ZNF354A: variants seen among roughly 807,000 people sequenced by gnomAD.
ZNF354A encodes zinc finger protein 354A.
ZNF354A carries 25 observed loss-of-function variants against 53.3 expected under a neutral mutation model. The ratio of observed to expected loss-of-function variants is 0.47; its 90% CI spans 0.34 to 0.66. ZNF354A has a LOEUF of 0.66. ZNF354A is among the 30% of genes least tolerant of loss of function. ZNF354A has a pLI of 0.01. For synonymous variants in ZNF354A, 228 were observed against 249.0 expected (o/e 0.92, Z 0.79); for missense variants, 586 against 716.8 (o/e 0.82, Z 2.08).
chr5:178,725,254 C>T, intron 4 of ZNF354A, 122 bp downstream of exon 4: 1 of 938,522 alleles, frequency 1.1e-6, no homozygotes, highest in Non-Finnish European at 1.7e-6. Context: ...TGGGCTTCCG[C>T]TTCCCCATCA....
Position 178,712,293 on chromosome 5 carries a change from T to G in ZNF354A, c.1585A>C (p.Ile529Leu), listed in dbSNP as rs1313423398. 15 of 1,614,022 alleles carry G rather than the reference T, an allele frequency of 9.3e-6. No homozygotes were observed. Among genetic ancestry groups the G allele is most frequent in the African/African-American group, 2.7e-5 (2 of 74,940 alleles). Reference sequence around the variant, plus strand: ...AGAGCTGAACTTTGGCCAAAAGATATCCCACATTCCTCACATCGATATGGT... The same window carrying G: ...AGAGCTGAACTTTGGCCAAAAGATAGCCCACATTCCTCACATCGATATGGT... ...EKPYRCEECG[I>L]SFGQSSALIQ... The change falls in exon 5 of 5, where the codon ATA (isoleucine) becomes CTA (leucine). Residue 529 changes from isoleucine to leucine, a missense_variant. Physicochemically the swap from Ile to Leu is conservative, Grantham distance 5. Coordinates refer to ENST00000335815, the MANE Select transcript of ZNF354A (RefSeq NM_005649.3).
chr5:178,721,639 C>T (rs894292992), intron 4 of ZNF354A, among the ~76,000 whole-genome samples: 3 of 152,068 alleles, frequency 2.0e-5, no homozygotes, highest in Admixed American at 6.5e-5. Context: ...GCTGTGTGGA[C>T]GTACCACAGT....
At chr5:178,717,218 CATTT>C (rs1484388497) in intron 4 of ZNF354A, among the ~76,000 whole-genome samples, 4 of 151,928 alleles carry the variant, frequency 2.6e-5, no homozygotes, top group African/African-American at 4.8e-5. Flanking sequence ...ATTATGTGTT[CATTT>C]GAGTTGGCTG....
rs180995061 is a variant in ZNF354A, at chr5:178,715,066, T to C, written c.257-1445A>G. Among the ~76,000 whole-genome samples the C allele has an allele frequency of 3.3e-3, 507 of 152,304 alleles. 1 individual carries two copies. The highest frequency in any genetic ancestry group is 5.2e-3 in the Admixed American group (79 of 15,306). ...ATGGATATATAAGATAAAGCATGGT[T>C]AACATGGAAAAGTAAAGAACAGAAG... On this transcript the variant is annotated intron_variant, in intron 4 of 4. Coordinates refer to ENST00000335815, the MANE Select transcript of ZNF354A (RefSeq NM_005649.3).
At chr5:178,720,377 C>G (rs572465108) in intron 4 of ZNF354A, among the ~76,000 whole-genome samples, 1 of 152,162 alleles carries the variant, frequency 6.6e-6, no homozygotes, top group Non-Finnish European at 1.5e-5. Flanking sequence ...AAGATGAAGT[C>G]ATTGGGGTGA....
chr5:178,725,993 A>G (rs1765898193), intron 3 of ZNF354A: 1 of 321,320 alleles, frequency 3.1e-6, no homozygotes, highest in South Asian at 2.5e-5. Context: ...GACTACAGGA[A>G]CATGCCACCA....
chr5:178,728,506 C>A (rs1469349580), intron 2 of ZNF354A, among the ~76,000 whole-genome samples: 1 of 151,766 alleles, frequency 6.6e-6, no homozygotes, highest in African/African-American at 2.4e-5. Flanking sequence ...ATGATTTATT[C>A]GGGCTGGGTG....
Position 178,712,064 on chromosome 5 carries a change from G to A in ZNF354A, c.1814C>T (p.Pro605Leu), listed in dbSNP as rs1417900633. 6.3e-7 allele frequency: 1 copy of A among 1,585,746 alleles called. No individual in the cohort carries two copies. Residue 605 changes from proline (P) to leucine (L), a missense_variant, in exon 5 of 5, where the codon CCC becomes CTC. Physicochemically the swap from Pro to Leu is moderately conservative, Grantham distance 98. Transcript: ENST00000335815. ...TCACACATACAAATCTACTTTCTAG[G>A]GGTCCTCTTCGATATGAATTTTATA... ...NHYKIHIEED[P>L]
chr5:178,717,077 C>CAAAAAAA (rs5873633), intron 4 of ZNF354A, among the ~76,000 whole-genome samples: 5 of 65,488 alleles, frequency 7.6e-5, no homozygotes, highest in Non-Finnish European at 1.4e-4. Flanking sequence ...GACTCCATCT[C>CAAAAAAA]AAAAAAAAAA....
chr5:178,727,036 A>G lies in ZNF354A; in HGVS notation c.123T>C (p.Asp41=). 1 of 1,613,988 alleles carries G rather than the reference A, an allele frequency of 6.2e-7. No homozygotes were observed. Among genetic ancestry groups the G allele is most frequent in the Non-Finnish European group, 8.5e-7 (1 of 1,179,962 alleles). ...LAPSQRNLYR[D]VMLENYRNLV... is the part of the protein sequence containing the mutation. ...GGTTCCTATAGTTCTCCAGCATCAC[A>G]TCCCGGTACAAGTTTCTCTGAGAAG... The change falls in exon 3 of 5, where the codon GAT becomes GAC. Residue 41 remains aspartate (D), a synonymous_variant. Coordinates refer to ENST00000335815, the MANE Select transcript of ZNF354A (RefSeq NM_005649.3).
At chr5:178,727,533 T>C (rs34651317) in intron 2 of ZNF354A, among the ~76,000 whole-genome samples, 36,643 of 152,156 alleles carry the variant, frequency 0.24, 5,160 homozygotes, top group South Asian at 0.35. Context: ...AAACCAGGAA[T>C]AATCTAAATA....
chr5:178,727,615 T>C lies in ZNF354A; in HGVS notation c.34-490A>G, dbSNP rs548857238. 2.3e-4 allele frequency among the ~76,000 whole-genome samples: 35 copies of C among 152,332 alleles called. 1 individual carries two copies. The South Asian group carries it at 7.2e-3, about 32-fold the overall frequency. The stretch of plus-strand genomic sequence containing the variant: ...GCTTACTCAAGCTTAAGGATAGTAA[T>C]GACGAAAAGTAAAATAGCTATAATT... On this transcript the variant is annotated intron_variant, in intron 2 of 4. Transcript: ENST00000335815.
intron 4 of ZNF354A, among the ~76,000 whole-genome samples, chr5:178,718,413 C>T (rs1765753935): frequency 6.6e-6 from 1 of 152,224 alleles, no homozygotes; most frequent in Non-Finnish European, 1.5e-5. Context: ...GACTCTTCCA[C>T]CTGGACTCTC....
At chr5:178,728,767 C>T (rs1765962838) in intron 2 of ZNF354A, among the ~76,000 whole-genome samples, 1 of 98,676 alleles carries the variant, frequency 1.0e-5, no homozygotes, top group African/African-American at 5.0e-5. Context: ...ACTGCCTGGG[C>T]GACAAAGCGA....
intron 4 of ZNF354A, among the ~76,000 whole-genome samples, chr5:178,716,819 C>A (rs1197779334): frequency 2.0e-5 from 3 of 152,262 alleles, no homozygotes; most frequent in Non-Finnish European, 4.4e-5. Flanking sequence ...TGGCTCACAG[C>A]TGCAATCCTA....
Position 178,712,585 on chromosome 5 carries a change from A to C in ZNF354A, c.1293T>G (p.Ile431Met). The change falls in exon 5 of 5, where the codon ATT becomes ATG. Residue 431 changes from isoleucine (I) to methionine (M), a missense_variant. Coordinates refer to ENST00000335815, the MANE Select transcript of ZNF354A (RefSeq NM_005649.3). The stretch of plus-strand genomic sequence containing the variant: ...AATTATAAAACTTCTCTCCAGTATG[A>C]ATGATTCGGTGTCTATTAAGTCGTG... ...SISRLNRHRI[I>M]HTGEKFYNCN... 1 of 1,614,182 alleles carries C rather than the reference A, an allele frequency of 6.2e-7. No homozygotes were observed. The highest frequency in any genetic ancestry group is 1.3e-5 in the African/African-American group (1 of 75,052).
chr5:178,714,272 T>C (rs1347993167), intron 4 of ZNF354A, among the ~76,000 whole-genome samples: 4 of 152,148 alleles, frequency 2.6e-5, no homozygotes, highest in Non-Finnish European at 5.9e-5. Flanking sequence ...CCCAAAGTGC[T>C]TGGATTACAG....
chr5:178,727,944 G>C (rs376026323), intron 2 of ZNF354A, among the ~76,000 whole-genome samples: 1 of 152,064 alleles, frequency 6.6e-6, no homozygotes, highest in Admixed American at 6.5e-5. Context: ...TCCACCTTCC[G>C]GGTTCCAATG....
At chr5:178,714,451 A>G (rs1237674598) in intron 4 of ZNF354A, among the ~76,000 whole-genome samples, 5 of 152,178 alleles carry the variant, frequency 3.3e-5, no homozygotes, top group African/African-American at 7.2e-5. Flanking sequence ...CACTTACCAG[A>G]GTATTAAACA....
Sources: gnomAD v4.1 joint callset for allele counts (sites outside exome capture counted in the v4.1 genomes callset) on GRCh38, gnomAD v4.1.1 for gene constraint, MANE v1.5 for transcripts, NCBI Gene and HGNC (gene_info 2026-07-23, HGNC 2026-07-21) for gene names.